The following POLN variants were observed in gnomAD, a reference collection of about 807,000 sequenced individuals.
The protein encoded by POLN is DNA polymerase nu, also known as DNA polymerase N.
In POLN, 108 loss-of-function variants were observed where a neutral mutation model predicts 113.5. That is an observed-to-expected ratio of 0.95 (90% CI 0.81 to 1.12). The LOEUF (loss-of-function observed/expected upper bound fraction) is 1.12. Ranked by LOEUF, POLN falls within the 50% of genes most tolerant of loss-of-function variation. The pLI is 0.00. For synonymous variants in POLN, 386 were observed against 391.5 expected, an observed-to-expected ratio of 0.99 and a Z score of 0.17; for missense variants, 1,097 against 1,077.1, an observed-to-expected ratio of 1.02 and a Z score of -0.26.
Position 2,198,609 on chromosome 4 carries a change from C to T in POLN, c.823G>A (p.Val275Met), listed in dbSNP as rs1577763918. The part of the protein sequence containing the change: ...PACGPVLEGF[V>M]SDDPCIYIQI... ...ATGTAGATGCATGGATCATCTGACA[C>T]AAAGCCCTCCAGAACAGGACCACAG... Residue 275 changes from valine to methionine, a missense_variant, in exon 6 of 26, where the codon GTG becomes ATG. Transcript: ENST00000511885. The T allele has an allele frequency of 6.2e-7, 1 of 1,613,966 alleles. No homozygotes were observed. The highest frequency in any genetic ancestry group is 8.5e-7 in the Non-Finnish European group (1 of 1,179,994).
chr4:2,091,845 C>A lies in POLN; in HGVS notation c.2065+4006G>T, dbSNP rs139699991. On this transcript the variant is annotated intron_variant, in intron 20 of 25. Transcript: ENST00000511885. ...GTTTAGCAGGGACAGTCTTCACTCCCTTCACTCCCTTTTCTCCGAGTGCTC... is the reference window on the plus strand; with the variant it reads ...GTTTAGCAGGGACAGTCTTCACTCCATTCACTCCCTTTTCTCCGAGTGCTC... 3.0e-3 allele frequency among the ~76,000 whole-genome samples: 462 copies of A among 152,146 alleles called. 1 individual carries two copies. The highest frequency in any genetic ancestry group is 0.01 in the African/African-American group (429 of 41,482).
At chr4:2,204,944 T>G (rs1194343564) in intron 5 of POLN, among the ~76,000 whole-genome samples, 1 of 152,154 alleles carries the variant, frequency 6.6e-6, no homozygotes, top group Non-Finnish European at 1.5e-5. Flanking sequence ...CATATCTTAA[T>G]GTAATAAAGC....
At chr4:2,081,359 C>T (rs1292764742) in intron 22 of POLN, 1 of 649,304 alleles carries the variant, frequency 1.5e-6, no homozygotes, top group Non-Finnish European at 2.6e-6. Flanking sequence ...ATAGAAGCCT[C>T]AGTTTCCCAC....
At chr4:2,216,198 G>C (rs1734108268) in intron 3 of POLN, among the ~76,000 whole-genome samples, 1 of 152,198 alleles carries the variant, frequency 6.6e-6, no homozygotes. Context: ...AAAATGACCA[G>C]ACAGCAGCCA....
At chr4:2,239,955 C>T in intron 2 of POLN, 1 of 1,053,980 alleles carries the variant, frequency 9.5e-7, no homozygotes, top group Non-Finnish European at 1.4e-6. Flanking sequence ...ATGCACCATT[C>T]TAAAGTACTT....
At position 2,131,270 on chromosome 4, in the gene POLN, C is replaced by T; in HGVS notation, c.1752G>A (p.Lys584=). The T allele has an allele frequency of 6.3e-7, 1 of 1,590,464 alleles. No homozygotes were observed. Among genetic ancestry groups the T allele is most frequent in the Non-Finnish European group, 8.6e-7 (1 of 1,160,108 alleles). The change falls in exon 17 of 26, where the codon AAG becomes AAA. Residue 584 remains lysine (K), a synonymous_variant. Transcript: ENST00000511885. ...AKHPNIQGIS[K]HPIQITTPKN... ...TAGGTGTAGTAATCTGAATTGGGTG[C>T]TTGGAGATACCTTGGATATTCTGTT...
chr4:2,111,043 T>C (rs1246185834), intron 19 of POLN, among the ~76,000 whole-genome samples: 2 of 152,174 alleles, frequency 1.3e-5, no homozygotes, highest in Non-Finnish European at 2.9e-5. Flanking sequence ...TTATCCACCA[T>C]GATCAAGTGG....
chr4:2,126,649 G>A lies in POLN; in HGVS notation c.1982+1464C>T, dbSNP rs1024351242. On this transcript the variant is annotated intron_variant, in intron 19 of 25. Transcript: ENST00000511885. The surrounding 1 kb of genome is among the most constrained non-coding windows in gnomAD (Gnocchi z 4.6). ...GGAGTGGAGACCAGAGAGGAGCGGC[G>A]CCGTGCCCAGCATCAGGGGAGGGTG... Among the ~76,000 whole-genome samples, 4 of 152,140 alleles carry A rather than the reference G, an allele frequency of 2.6e-5. No individual in the cohort carries two copies. Among genetic ancestry groups the A allele is most frequent in the South Asian group, 2.1e-4 (1 of 4,816 alleles).
chr4:2,098,045 T>C (rs143730229), intron 19 of POLN, among the ~76,000 whole-genome samples: 234 of 152,348 alleles, frequency 1.5e-3, no homozygotes, highest in Middle Eastern at 3.4e-3. Flanking sequence ...TCCTGCTGTG[T>C]TAAGCTATTT....
At chr4:2,192,395 G>T (rs1452469177) in intron 7 of POLN, among the ~76,000 whole-genome samples, 1 of 151,892 alleles carries the variant, frequency 6.6e-6, no homozygotes, top group African/African-American at 2.4e-5. Flanking sequence ...CTGTCCCCCA[G>T]GCTGGAGTGC....
intron 4 of POLN, among the ~76,000 whole-genome samples, chr4:2,210,959 A>AAAT (rs1733979149): frequency 6.7e-6 from 1 of 149,522 alleles, no homozygotes; most frequent in Non-Finnish European, 1.5e-5. Flanking sequence ...ATAAATAAAT[A>AAAT]AATAAAATAG....
chr4:2,081,730 G>A lies in POLN; in HGVS notation c.2211C>T (p.Ser737=), dbSNP rs779427062. Residue 737 remains serine (S), a synonymous_variant, in exon 22 of 26, where the codon TCC becomes TCT. Coordinates refer to ENST00000511885, the MANE Select transcript of POLN (RefSeq NM_181808.4). Reference sequence around the variant, plus strand: ...GCAGGGGTCTCCTTCTGCCCATGATGGACACCACACAGCCTGAGTCACACA... The same window carrying A: ...GCAGGGGTCTCCTTCTGCCCATGATAGACACCACACAGCCTGAGTCACACA... ...AQCHQTGCVV[S]IMGRRRPLPR... is the part of the protein sequence containing the mutation. 6.2e-7 allele frequency: 1 copy of A among 1,613,964 alleles called. No individual in the cohort carries two copies. Among genetic ancestry groups the A allele is most frequent in the Non-Finnish European group, 8.5e-7 (1 of 1,179,900 alleles).
chr4:2,078,864 CAGAG>C (rs1371508601), intron 23 of POLN: 4 of 985,364 alleles, frequency 4.1e-6, no homozygotes, highest in Non-Finnish European at 4.8e-6. Context: ...CAGTCAGCAA[CAGAG>C]AGAGACCTCA....
In POLN at chr4:2,081,639, C is replaced by T; in HGVS notation, c.2302G>A (p.Val768Met). Reference protein sequence around the residue: ...QAERQAVNFVVQGSAADLCKL... With the variant: ...QAERQAVNFVMQGSAADLCKL... Reference sequence around the variant, plus strand: ...GGTAAGAGGCTTCTGGTACCTTGCACCACGAAGTTCACTGCCTGTCGCTCT... The same window carrying T: ...GGTAAGAGGCTTCTGGTACCTTGCATCACGAAGTTCACTGCCTGTCGCTCT... Residue 768 changes from valine to methionine, a missense_variant, in exon 22 of 26, where the codon GTG becomes ATG. By Grantham distance (21) the Val-to-Met change is conservative. Coordinates refer to ENST00000511885, the MANE Select transcript of POLN (RefSeq NM_181808.4). 6.2e-7 allele frequency: 1 copy of T among 1,614,206 alleles called. No homozygotes were observed. Among genetic ancestry groups the T allele is most frequent in the Non-Finnish European group, 8.5e-7 (1 of 1,180,018 alleles).
At position 2,075,472 on chromosome 4, in the gene POLN, G is replaced by A. The variant is rs139878687; in HGVS notation, c.2435C>T (p.Pro812Leu). ...GCTACCTGCACACTCCGGGATCTGC[G>A]GATCTTCCACTTCAAACAGCAGCTC... The part of the protein sequence containing the change: ...HDELLFEVED[P>L]QIPECAALVR... Residue 812 changes from proline (P) to leucine (L), a missense_variant, in exon 24 of 26, where the codon CCG (proline) becomes CTG (leucine). Transcript: ENST00000511885. 621 of 1,613,526 alleles carry A rather than the reference G, an allele frequency of 3.8e-4. 7 individuals are homozygous for A. In the African/African-American group the frequency reaches 7.0e-3, roughly 18 times the overall value.
intron 13 of POLN, among the ~76,000 whole-genome samples, chr4:2,164,926 G>A (rs937486622): frequency 4.0e-5 from 6 of 150,868 alleles, no homozygotes; most frequent in African/African-American, 1.5e-4. Flanking sequence ...TGGCAAGGAT[G>A]TGGAGCAACA....
intron 3 of POLN, chr4:2,228,539 G>T (rs61792605): frequency 0.077 from 14,253 of 186,132 alleles, 831 homozygotes; most frequent in African/African-American, 0.17. Context: ...GTGTTTTACC[G>T]TGTTAGCCAG....
chr4:2,102,603 C>G (rs972737779), intron 19 of POLN, among the ~76,000 whole-genome samples: 2 of 152,160 alleles, frequency 1.3e-5, no homozygotes, highest in Non-Finnish European at 2.9e-5. Flanking sequence ...ACCAGAGGCC[C>G]AAGAACTGGT....
Position 2,128,206 on chromosome 4 carries a change from C to G in POLN, c.1889G>C (p.Arg630Pro). 6.2e-7 allele frequency: 1 copy of G among 1,608,386 alleles called. No individual in the cohort carries two copies. Among genetic ancestry groups the G allele is most frequent in the Non-Finnish European group, 8.5e-7 (1 of 1,175,278 alleles). Residue 630 changes from arginine (R) to proline (P), a missense_variant, in exon 19 of 26, where the codon CGC becomes CCC. Arg to Pro is a moderately radical substitution (Grantham distance 103). Transcript: ENST00000511885. ...ATCTCCAGATAAATGTGTAAGAATG[C>G]GCAATTCAATCTGTGAAAAGTCTGT... ...LAADFSQIEL[R>P]ILTHLSGDPE...
Sources: allele counts gnomAD v4.1 joint callset (sites outside exome capture counted in the v4.1 genomes callset), GRCh38; gene constraint gnomAD v4.1.1; non-coding constraint Gnocchi (gnomAD v3.1); transcripts MANE v1.5; gene names NCBI Gene and HGNC (gene_info 2026-07-23, HGNC 2026-07-21).